The following PRKG1 variants were observed in gnomAD, a reference collection of about 807,000 sequenced individuals.
The protein encoded by PRKG1 is cGMP-dependent protein kinase 1.
In PRKG1, 35 loss-of-function variants were observed where a neutral mutation model predicts 88.1. That is an observed-to-expected ratio of 0.40 (90% confidence interval 0.30 to 0.53). PRKG1 has a LOEUF of 0.53. PRKG1 is among the 20% of genes least tolerant of loss of function. PRKG1 has a pLI of 0.59. For synonymous variants in PRKG1, 303 were observed against 292.5 expected (o/e 1.04, Z -0.37); for missense variants, 540 against 839.8 (o/e 0.64, Z 4.41).
intron 3 of PRKG1, chr10:51,699,229 T>C: frequency 6.2e-7 from 1 of 1,613,984 alleles, no homozygotes; most frequent in Non-Finnish European, 8.5e-7. Flanking sequence ...TAATGGGCGC[T>C]GCAGGCCCAA....
At chr10:52,124,135 A>G (rs965260327) in intron 7 of PRKG1, among the ~76,000 whole-genome samples, 2 of 152,220 alleles carry the variant, frequency 1.3e-5, no homozygotes, top group Non-Finnish European at 2.9e-5. Flanking sequence ...GAAGCAGGAC[A>G]GAGTAAGACT....
chr10:52,131,410 G>A (rs1340893284), intron 7 of PRKG1, among the ~76,000 whole-genome samples: 1 of 152,140 alleles, frequency 6.6e-6, no homozygotes, highest in East Asian at 1.9e-4. Flanking sequence ...GTCAATTCAT[G>A]ATGGCATCCC....
intron 9 of PRKG1, among the ~76,000 whole-genome samples, chr10:52,204,697 T>G (rs1477138246): frequency 6.6e-6 from 1 of 152,194 alleles, no homozygotes; most frequent in East Asian, 1.9e-4. Context: ...AAACTGAGGA[T>G]GTATGTTGCC....
In PRKG1 at chr10:51,720,043, T is replaced by C. The variant is rs114479359; in HGVS notation, c.593-84542T>C. Among the ~76,000 whole-genome samples the C allele has an allele frequency of 1.1e-3, 162 of 152,210 alleles. 1 individual carries two copies. The highest frequency in any genetic ancestry group is 3.8e-3 in the African/African-American group (157 of 41,520). Reference sequence around the variant, plus strand: ...AAGTAGCCAAGAAAAGATTTGGGGATTGGCTGAATGGAATTGGTATCACAG... The same window carrying C: ...AAGTAGCCAAGAAAAGATTTGGGGACTGGCTGAATGGAATTGGTATCACAG... On this transcript the variant is annotated intron_variant, in intron 3 of 17. Coordinates refer to ENST00000373980, the MANE Select transcript of PRKG1 (RefSeq NM_006258.4).
At chr10:51,885,365 A>G (rs750050281) in intron 4 of PRKG1, among the ~76,000 whole-genome samples, 4 of 152,260 alleles carry the variant, frequency 2.6e-5, no homozygotes, top group Non-Finnish European at 5.9e-5. Context: ...TAGCAATATA[A>G]GATAAAATTA....
intron 2 of PRKG1, among the ~76,000 whole-genome samples, chr10:51,257,947 TTA>T (rs1215976187): frequency 2.6e-5 from 4 of 151,980 alleles, no homozygotes; most frequent in Non-Finnish European, 5.9e-5. Flanking sequence ...GCTGGTAAAT[TTA>T]ATATATGTCC....
At chr10:51,424,180 CTG>C (rs1838502775) in intron 2 of PRKG1, among the ~76,000 whole-genome samples, 1 of 152,130 alleles carries the variant, frequency 6.6e-6, no homozygotes, top group South Asian at 2.1e-4. Context: ...AGAAAGCAAA[CTG>C]TTATCCAGGG....
intron 3 of PRKG1, among the ~76,000 whole-genome samples, chr10:51,538,675 A>C (rs1029928570): frequency 2.0e-5 from 3 of 151,348 alleles, no homozygotes. Flanking sequence ...CAATGAAAAA[A>C]AAAAAAACAA....
intron 1 of PRKG1, among the ~76,000 whole-genome samples, chr10:51,061,931 T>C (rs1030492206): frequency 1.3e-5 from 2 of 152,324 alleles, no homozygotes; most frequent in Middle Eastern, 3.4e-3. Flanking sequence ...CAATCTCCCA[T>C]GGGTCTCCTT....
intron 2 of PRKG1, among the ~76,000 whole-genome samples, chr10:51,271,152 G>T (rs961058916): frequency 1.3e-5 from 2 of 152,130 alleles, no homozygotes; most frequent in Admixed American, 1.3e-4. Context: ...GTCTACACTT[G>T]TAATAAATGT....
At chr10:51,123,435 C>A (rs1259502583) in intron 1 of PRKG1, among the ~76,000 whole-genome samples, 1 of 152,126 alleles carries the variant, frequency 6.6e-6, no homozygotes, top group African/African-American at 2.4e-5. Flanking sequence ...CCTGTAATCC[C>A]AGCACTTTGA....
intron 9 of PRKG1, among the ~76,000 whole-genome samples, chr10:52,247,334 A>G (rs1841050888): frequency 6.6e-6 from 1 of 152,122 alleles, no homozygotes; most frequent in Admixed American, 6.6e-5. Flanking sequence ...CCTCCCCTAA[A>G]CACTGTTGCA....
chr10:51,436,601 A>G (rs1838939169), intron 2 of PRKG1, among the ~76,000 whole-genome samples: 1 of 152,060 alleles, frequency 6.6e-6, no homozygotes, highest in African/African-American at 2.4e-5. Context: ...AAGGGAACAG[A>G]GGGACTGAGA....
chr10:51,394,327 C>A (rs1424928813), intron 2 of PRKG1, among the ~76,000 whole-genome samples: 1 of 152,206 alleles, frequency 6.6e-6, no homozygotes, highest in East Asian at 1.9e-4. Flanking sequence ...AGAACCTAGA[C>A]ATGGCCTCTA....
intron 2 of PRKG1, among the ~76,000 whole-genome samples, chr10:51,178,467 G>A (rs964924518): frequency 6.6e-6 from 1 of 151,998 alleles, no homozygotes; most frequent in African/African-American, 2.4e-5. Context: ...CAAACCCCAT[G>A]TCTACAGAAA....
intron 1 of PRKG1, among the ~76,000 whole-genome samples, chr10:51,080,540 C>T (rs188905738): frequency 3.9e-5 from 6 of 152,282 alleles, no homozygotes; most frequent in African/African-American, 1.4e-4. Context: ...ACCATAGGTG[C>T]TGCAGCCCAT....
intron 3 of PRKG1, among the ~76,000 whole-genome samples, chr10:51,585,964 G>A (rs1838161444): frequency 6.6e-6 from 1 of 152,038 alleles, no homozygotes; most frequent in Non-Finnish European, 1.5e-5. Context: ...CTAGACACTG[G>A]GGACTAGTAG....
At chr10:52,243,691 T>C (rs770277979) in intron 9 of PRKG1, among the ~76,000 whole-genome samples, 4 of 151,794 alleles carry the variant, frequency 2.6e-5, no homozygotes, top group Admixed American at 6.6e-5. Context: ...AGGTGCAAAA[T>C]AGAAGTAAAA....
chr10:51,713,326 A>T (rs2132437180), intron 3 of PRKG1, among the ~76,000 whole-genome samples: 1 of 152,318 alleles, frequency 6.6e-6, no homozygotes, highest in East Asian at 1.9e-4. Context: ...GCAAAGGGTT[A>T]TTTTGTCATT....
Sources: allele counts gnomAD v4.1 joint callset (sites outside exome capture counted in the v4.1 genomes callset), GRCh38; gene constraint gnomAD v4.1.1; transcripts MANE v1.5; gene names NCBI Gene and HGNC (gene_info 2026-07-23, HGNC 2026-07-21).